The following ACADM variants were observed in gnomAD, a reference collection of about 807,000 sequenced individuals.
The protein encoded by ACADM is acyl-CoA dehydrogenase medium chain, also known as medium-chain specific acyl-CoA dehydrogenase, mitochondrial.
In ACADM, 49 loss-of-function variants were observed where a neutral mutation model predicts 58.9. That is an observed-to-expected ratio of 0.83 (90% CI 0.66 to 1.06). The LOEUF (loss-of-function observed/expected upper bound fraction) is 1.06, where lower values mean the gene tolerates loss of function less well. Among genes scored for constraint, ACADM ranks in the 50% least tolerant of loss-of-function variants. The pLI is 0.00. For synonymous variants in ACADM, 160 were observed against 157.7 expected (o/e 1.01, Z -0.11); for missense variants, 496 against 507.0 (o/e 0.98, Z 0.21).
At position 75,739,831 on chromosome 1, in the gene ACADM, G is replaced by A. The variant is rs868822254; in HGVS notation, c.469-149G>A. The A allele has an allele frequency of 1.4e-4, 78 of 561,206 alleles. No individual in the cohort carries two copies. The South Asian group carries it at 1.9e-3, about 14-fold the overall frequency. The allele number at this position is 561,206 out of a possible 1,614,324, so 34.8% of individuals were successfully genotyped here. A position where few individuals can be genotyped will look rare whatever the true frequency, so the allele number is the denominator to read the frequency against. ...AACAGAAAAGTTTTTACATTTGAGTGGTTTCTTTGATTTTGTAAGAACATT... is the reference window on the plus strand; with the variant it reads ...AACAGAAAAGTTTTTACATTTGAGTAGTTTCTTTGATTTTGTAAGAACATT... On this transcript the variant is annotated intron_variant, in intron 6 of 11. Transcript: ENST00000370841.
chr1:75,761,324 C>G lies in ACADM; in HGVS notation c.1148C>G (p.Thr383Arg), dbSNP rs780056894. ...ATACTTGGAGGCAATGGATTTAATA[C>G]AGAATATCCTGTAGAAAAACTAATG... Reference protein sequence around the residue: ...VQILGGNGFNTEYPVEKLMRD... With the variant: ...VQILGGNGFNREYPVEKLMRD... The change falls in exon 11 of 12, where the codon ACA becomes AGA. Residue 383 changes from threonine (T) to arginine (R), a missense_variant. Thr to Arg is a moderately conservative substitution (Grantham distance 71). Coordinates refer to ENST00000370841, the MANE Select transcript of ACADM (RefSeq NM_000016.6). 1 of 1,613,796 alleles carries G rather than the reference C, an allele frequency of 6.2e-7. No homozygotes were observed. The highest frequency in any genetic ancestry group is 8.5e-7 in the Non-Finnish European group (1 of 1,179,782).
intron 7 of ACADM, 119 bp from the exon 8 acceptor site, chr1:75,745,686 TC>T: frequency 1.2e-6 from 1 of 827,350 alleles, no homozygotes; most frequent in South Asian, 1.4e-5. Flanking sequence ...ATTATTTATT[TC>T]CTCATTTGTA....
chr1:75,726,800 CT>C (rs748703972), intron 1 of ACADM, among the ~76,000 whole-genome samples: 6,721 of 119,708 alleles, frequency 0.056, 298 homozygotes, highest in African/African-American at 0.13. Flanking sequence ...AACTGTTTCA[CT>C]TTTTTTTTTT....
chr1:75,725,350 G>A (rs944151143), intron 1 of ACADM, among the ~76,000 whole-genome samples: 3 of 151,952 alleles, frequency 2.0e-5, no homozygotes, highest in Non-Finnish European at 1.5e-5. Flanking sequence ...GATGAATTTT[G>A]GTATCTTAAA....
chr1:75,760,264 C>CAAAA (rs764807575), intron 10 of ACADM, among the ~76,000 whole-genome samples: 14 of 51,190 alleles, frequency 2.7e-4, no homozygotes, highest in East Asian at 4.9e-4. Flanking sequence ...ACTAAAAATA[C>CAAAA]AAAAAAAAAA....
chr1:75,746,944 C>A (rs948792716), intron 8 of ACADM, among the ~76,000 whole-genome samples: 1 of 151,972 alleles, frequency 6.6e-6, no homozygotes, highest in African/African-American at 2.4e-5. Context: ...ATGAAGGTAT[C>A]CTAGGACCTT....
rs2100456400 is a variant in ACADM at position 75,762,543 on chromosome 1, T to C, written c.1195-149T>C. ...ATTTTCAGACTTTCACAAAATCAGG[T>C]TTTGGAATCTGTAGAGGCTACAGAC... On this transcript the variant is annotated intron_variant, in intron 11 of 11. Coordinates refer to ENST00000370841, the MANE Select transcript of ACADM (RefSeq NM_000016.6). 6.9e-6 allele frequency: 3 copies of C among 434,118 alleles called. No homozygotes were observed. The East Asian group carries it at 1.1e-4, about 16-fold the overall frequency. The allele number at this position is 434,118 out of a possible 1,614,324, so 26.9% of individuals were successfully genotyped here. A position where few individuals can be genotyped will look rare whatever the true frequency, so the allele number is the denominator to read the frequency against.
At chr1:75,760,370 C>T (rs1415468412) in intron 10 of ACADM, among the ~76,000 whole-genome samples, 1 of 147,726 alleles carries the variant, frequency 6.8e-6, no homozygotes, top group African/African-American at 2.5e-5. Flanking sequence ...TGCAGTGAGC[C>T]GATAACGCAC....
At position 75,724,721 on chromosome 1, in the gene ACADM, C is replaced by T. The variant is rs1162133724; in HGVS notation, c.-67C>T. ...AGTGGGCGGGACCAGAGGAGTCCCG[C>T]GTTCGGGGAGTATGTCAAGGCCGTG... is the stretch of plus-strand genomic sequence containing the variant. On this transcript the variant is annotated 5_prime_UTR_variant, in exon 1 of 12. Transcript: ENST00000370841. 6.5e-6 allele frequency: 10 copies of T among 1,529,584 alleles called. No homozygotes were observed. The highest frequency in any genetic ancestry group is 1.2e-5 in the South Asian group (1 of 82,958). 94.8% of individuals were successfully genotyped at this position (1,529,584 alleles called of 1,614,324 possible). A position where few individuals can be genotyped will look rare whatever the true frequency, so the allele number is the denominator to read the frequency against.
At chr1:75,738,755 T>C (rs1341182292) in intron 6 of ACADM, among the ~76,000 whole-genome samples, 1 of 152,108 alleles carries the variant, frequency 6.6e-6, no homozygotes, top group Non-Finnish European at 1.5e-5. Flanking sequence ...CCAGTTTCTT[T>C]CTTCTTTGGA....
At chr1:75,757,295 T>C (rs1648562346) in intron 10 of ACADM, among the ~76,000 whole-genome samples, 1 of 152,146 alleles carries the variant, frequency 6.6e-6, no homozygotes, top group Admixed American at 6.5e-5. Context: ...GAGAAAATTT[T>C]TATAATCTAC....
intron 10 of ACADM, chr1:75,750,968 C>T (rs1017335584): frequency 8.7e-5 from 23 of 263,280 alleles, no homozygotes; most frequent in African/African-American, 3.8e-4. Flanking sequence ...AGGCTGGTCT[C>T]GATCTGCCCG....
chr1:75,755,611 T>C (rs964372105), intron 10 of ACADM, among the ~76,000 whole-genome samples: 1 of 152,096 alleles, frequency 6.6e-6, no homozygotes, highest in African/African-American at 2.4e-5. Context: ...CATCTGTACG[T>C]CACCATCACC....
rs200091478 is a variant in ACADM at position 75,750,565 on chromosome 1, G to A, written c.945+19G>A. On this transcript the variant is annotated intron_variant, in intron 10 of 11. Transcript: ENST00000370841. The stretch of plus-strand genomic sequence containing the variant: ...TGTAGAGGTAATTTTAATACTGCTT[G>A]CTTTGTTCAAATGTAAAGACACTCA... 110 of 1,509,980 alleles carry A rather than the reference G, an allele frequency of 7.3e-5. No homozygotes were observed. In the African/African-American group the frequency reaches 1.4e-3, roughly 19 times the overall value. The allele number at this position is 1,509,980 out of a possible 1,614,324, so 93.5% of individuals were successfully genotyped here. A position where few individuals can be genotyped will look rare whatever the true frequency, so the allele number is the denominator to read the frequency against.
chr1:75,756,901 T>TA (rs1476771858), intron 10 of ACADM, among the ~76,000 whole-genome samples: 1 of 152,110 alleles, frequency 6.6e-6, no homozygotes, highest in Non-Finnish European at 1.5e-5. Flanking sequence ...TTGGAAATAA[T>TA]ACCACATGTC....
intron 7 of ACADM, chr1:75,744,546 C>T (rs574580621): frequency 1.3e-4 from 199 of 1,495,594 alleles, no homozygotes; most frequent in Middle Eastern, 1.8e-4. Context: ...GTTCTGCAAA[C>T]GCTGGGGTTT....
intron 6 of ACADM, among the ~76,000 whole-genome samples, chr1:75,737,620 G>C (rs964015548): frequency 6.6e-5 from 10 of 152,064 alleles, no homozygotes; most frequent in Non-Finnish European, 4.4e-5. Context: ...CAGTTAACTT[G>C]AGTGACACCT....
At chr1:75,734,379 G>A (rs1014486123) in intron 5 of ACADM, among the ~76,000 whole-genome samples, 13 of 144,192 alleles carry the variant, frequency 9.0e-5, no homozygotes, top group Non-Finnish European at 1.7e-4. Flanking sequence ...GTGTCACCCT[G>A]TTGGCCAGGA....
At chr1:75,744,698 C>T in intron 7 of ACADM, 1 of 786,778 alleles carries the variant, frequency 1.3e-6, no homozygotes, top group South Asian at 1.3e-5. Flanking sequence ...GAATGTCTCC[C>T]TAGAGGGCAG....
Sources: gnomAD v4.1 joint callset for allele counts (sites outside exome capture counted in the v4.1 genomes callset) on GRCh38, gnomAD v4.1.1 for gene constraint, MANE v1.5 for transcripts, NCBI Gene and HGNC (gene_info 2026-07-23, HGNC 2026-07-21) for gene names.